The following IQCM variants were observed in gnomAD, a reference collection of about 807,000 sequenced individuals.
IQCM encodes the protein IQ motif containing M.
Under a neutral mutation model 57.6 loss-of-function variants are expected in IQCM, and 45 were observed. The ratio of observed to expected loss-of-function variants is 0.78; its 90% CI spans 0.62 to 1.00. IQCM has a LOEUF of 1.00. IQCM is among the 50% of genes least tolerant of loss of function. The probability of loss-of-function intolerance (pLI) is 0.00; values close to 1 mark genes in which losing one functional copy is unlikely to be tolerated. For missense variants in IQCM, 468 were observed against 511.6 expected (o/e 0.91, Z 0.82); for synonymous variants, 148 against 158.9 (o/e 0.93, Z 0.51).
chr4:149,373,008 G>C (rs1021750697), intron 13 of IQCM, among the ~76,000 whole-genome samples: 1 of 152,122 alleles, frequency 6.6e-6, no homozygotes, highest in African/African-American at 2.4e-5. Context: ...GAATAGGTAA[G>C]TGATGCTTCT....
At chr4:149,409,625 A>G (rs1334362739) in intron 13 of IQCM, among the ~76,000 whole-genome samples, 1 of 152,186 alleles carries the variant, frequency 6.6e-6, no homozygotes, top group East Asian at 1.9e-4. Context: ...AATAAAAGAG[A>G]AAGAATAGTG....
chr4:149,411,127 T>A (rs973388090), intron 13 of IQCM, among the ~76,000 whole-genome samples: 1 of 152,136 alleles, frequency 6.6e-6, no homozygotes, highest in African/African-American at 2.4e-5. Context: ...TCATAGCACT[T>A]CTATTGCAAT....
chr4:149,390,829 A>G (rs1307823354), intron 13 of IQCM, among the ~76,000 whole-genome samples: 1 of 151,496 alleles, frequency 6.6e-6, no homozygotes, highest in East Asian at 1.9e-4. Flanking sequence ...TATTTTGTTG[A>G]GGATTTTTTG....
rs530360845 is a variant in IQCM at position 149,538,009 on chromosome 4, T to C, written c.1228+10446A>G. On this transcript the variant is annotated intron_variant, in intron 12 of 13. Coordinates refer to ENST00000636793, the MANE Select transcript of IQCM (RefSeq NM_001363507.2). ...AAATAATGAAGAGCAAAGGAAATCG[T>C]AAATGTATTTATATATATATGAATA... Among the ~76,000 whole-genome samples the C allele has an allele frequency of 1.5e-4, 23 of 151,588 alleles. No homozygotes were observed. The South Asian group carries it at 4.4e-3, about 29-fold the overall frequency.
At chr4:149,615,388 T>G (rs1343509926) in intron 8 of IQCM, among the ~76,000 whole-genome samples, 1 of 152,184 alleles carries the variant, frequency 6.6e-6, no homozygotes, top group Non-Finnish European at 1.5e-5. Context: ...AATATCTTAG[T>G]ACTTCAGAGA....
intron 12 of IQCM, among the ~76,000 whole-genome samples, chr4:149,460,962 C>A (rs745457098): frequency 1.9e-4 from 29 of 152,044 alleles, no homozygotes; most frequent in Non-Finnish European, 3.7e-4. Context: ...TGGCCAGGAA[C>A]GGTGGCTCAT....
intron 9 of IQCM, among the ~76,000 whole-genome samples, chr4:149,583,723 T>C (rs1752414414): frequency 6.6e-6 from 1 of 151,620 alleles, no homozygotes; most frequent in Non-Finnish European, 1.5e-5. Context: ...TTTTTTCTTA[T>C]GGAAAATAAA....
intron 7 of IQCM, among the ~76,000 whole-genome samples, chr4:149,627,468 T>C (rs1365790238): frequency 9.2e-5 from 14 of 152,210 alleles, no homozygotes. Context: ...TGGTAATACT[T>C]GTTAACACTT....
At chr4:149,758,549 G>C (rs1343621531) in intron 2 of IQCM, among the ~76,000 whole-genome samples, 2 of 152,136 alleles carry the variant, frequency 1.3e-5, no homozygotes, top group Non-Finnish European at 1.5e-5. Context: ...ACAAGCCACA[G>C]ACTGGGAGAA....
chr4:149,489,428 C>A (rs376145839), intron 12 of IQCM, among the ~76,000 whole-genome samples: 39 of 152,116 alleles, frequency 2.6e-4, no homozygotes, highest in African/African-American at 8.9e-4. Flanking sequence ...AGGTTAATCT[C>A]ATTCAGTGAG....
intron 2 of IQCM, among the ~76,000 whole-genome samples, chr4:149,788,324 A>T (rs909963682): frequency 1.8e-4 from 28 of 152,222 alleles, no homozygotes; most frequent in African/African-American, 6.7e-4. Context: ...ACAGAGCAAG[A>T]CTCCATCTCA....
intron 12 of IQCM, among the ~76,000 whole-genome samples, chr4:149,511,472 G>T (rs1220121191): frequency 1.3e-5 from 2 of 151,922 alleles, no homozygotes; most frequent in African/African-American, 2.4e-5. Context: ...AGGTTGCAGT[G>T]AGCTGAGATC....
At chr4:149,655,446 T>C (rs1325729828) in intron 7 of IQCM, among the ~76,000 whole-genome samples, 1 of 152,162 alleles carries the variant, frequency 6.6e-6, no homozygotes, top group Non-Finnish European at 1.5e-5. Context: ...ATTTGATACA[T>C]TAAAAGTATT....
chr4:149,559,265 G>A (rs1382769566), intron 10 of IQCM, among the ~76,000 whole-genome samples: 1 of 152,016 alleles, frequency 6.6e-6, no homozygotes, highest in African/African-American at 2.4e-5. Context: ...CAAATCTATT[G>A]GTGTCACTGA....
intron 5 of IQCM, among the ~76,000 whole-genome samples, chr4:149,692,436 T>A (rs1013184305): frequency 6.6e-6 from 1 of 152,194 alleles, no homozygotes; most frequent in African/African-American, 2.4e-5. Context: ...ATGTATTTTT[T>A]AAATCTTTAT....
chr4:149,608,432 G>T (rs1300434007), intron 8 of IQCM, among the ~76,000 whole-genome samples: 1 of 151,790 alleles, frequency 6.6e-6, no homozygotes, highest in African/African-American at 2.4e-5. Flanking sequence ...GATATTTATG[G>T]AATATTTTAT....
chr4:149,622,565 G>A (rs547638271), intron 7 of IQCM, among the ~76,000 whole-genome samples: 11 of 152,048 alleles, frequency 7.2e-5, no homozygotes, highest in African/African-American at 1.2e-4. Flanking sequence ...GGATGGTCTC[G>A]AACTTAAAAT....
At position 149,490,924 on chromosome 4, in the gene IQCM, C is replaced by G. The variant is rs562351476; in HGVS notation, c.1229-57367G>C. 4.6e-5 allele frequency among the ~76,000 whole-genome samples: 7 copies of G among 152,208 alleles called. No individual in the cohort carries two copies. In the East Asian group the frequency reaches 5.8e-4, roughly 13 times the overall value. On this transcript the variant is annotated intron_variant, in intron 12 of 13. Coordinates refer to ENST00000636793, the MANE Select transcript of IQCM (RefSeq NM_001363507.2). ...ACCCTGACAGTAGCCTATGAGGAAA[C>G]AGAAGGGAAACAGATGCTAAGAGGA...
intron 7 of IQCM, among the ~76,000 whole-genome samples, chr4:149,635,387 T>A (rs1044364979): frequency 6.6e-6 from 1 of 152,198 alleles, no homozygotes; most frequent in African/African-American, 2.4e-5. Flanking sequence ...TAGGTCAACA[T>A]CTTTACTTTG....
Sources: gnomAD v4.1 joint callset for allele counts (sites outside exome capture counted in the v4.1 genomes callset) on GRCh38, gnomAD v4.1.1 for gene constraint, MANE v1.5 for transcripts, NCBI Gene and HGNC (gene_info 2026-07-23, HGNC 2026-07-21) for gene names.